The following SPART variants were observed in gnomAD, a reference collection of about 807,000 sequenced individuals.
SPART encodes spartin, also known as spastic paraplegia 20 (Troyer syndrome).
In SPART, 35 loss-of-function variants were observed where a neutral mutation model predicts 58.7. That is an observed-to-expected ratio of 0.60 (90% CI 0.46 to 0.79). The LOEUF is 0.79. Ranked by LOEUF, SPART falls within the 30% of genes least tolerant of loss-of-function variation. The pLI, the probability that SPART is intolerant of heterozygous loss-of-function variation, is 0.00. For synonymous variants in SPART, 284 were observed against 280.7 expected, an observed-to-expected ratio of 1.01 and a Z score of -0.12; for missense variants, 730 against 786.1, an observed-to-expected ratio of 0.93 and a Z score of 0.85.
Position 36,312,461 on chromosome 13 carries a change from A to G in SPART, c.1500T>C (p.Thr500=). 3 of 1,614,170 alleles carry G rather than the reference A, an allele frequency of 1.9e-6. No homozygotes were observed. Among genetic ancestry groups the G allele is most frequent in the Non-Finnish European group, 2.5e-6 (3 of 1,180,026 alleles). The change falls in exon 7 of 9, where the codon ACT becomes ACC. Residue 500 remains threonine, a synonymous_variant. Transcript: ENST00000438666. The part of the protein sequence containing the change: ...VSQFLVDGVC[T]VANCVGKELA... ...GTTCTTTTCCAACGCAATTTGCTAC[A>G]GTGCAAACTCCATCAACTAATATGA... is the stretch of plus-strand genomic sequence containing the variant.
chr13:36,366,022 T>C (rs1023486723), intron 1 of SPART, among the ~76,000 whole-genome samples: 2 of 152,202 alleles, frequency 1.3e-5, no homozygotes, highest in African/African-American at 4.8e-5. Context: ...TCTAAGCTAA[T>C]GCTTTCTCTA....
Position 36,303,961 on chromosome 13 carries a change from T to C in SPART, c.*404A>G, listed in dbSNP as rs536361369. 8 of 184,798 alleles carry C rather than the reference T, an allele frequency of 4.3e-5. No homozygotes were observed. In the South Asian group the frequency reaches 9.1e-4, roughly 21 times the overall value. The allele number at this position is 184,798 out of a possible 1,614,324, so 11.4% of individuals were successfully genotyped here. On this transcript the variant is annotated 3_prime_UTR_variant, in exon 9 of 9. Transcript: ENST00000438666. ...GGACAATACTTTAAGTCATTCCTTC[T>C]ATAAAAAGAATTAAGGTTACTAAAT...
Position 36,303,868 on chromosome 13 carries a change from T to C in SPART, c.*497A>G, listed in dbSNP as rs928512396. 22 of 154,124 alleles carry C rather than the reference T, an allele frequency of 1.4e-4. No individual in the cohort carries two copies. Among genetic ancestry groups the C allele is most frequent in the Middle Eastern group, 6.8e-3 (2 of 292 alleles). 9.5% of individuals were successfully genotyped at this position (154,124 alleles called of 1,614,324 possible). ...TTTTGAGAATTCTTAGTTTTAGTTT[T>C]TGTTTAGCTTACACACTGAAAATTT... On this transcript the variant is annotated 3_prime_UTR_variant, in exon 9 of 9. Transcript: ENST00000438666.
intron 5 of SPART, among the ~76,000 whole-genome samples, chr13:36,316,495 T>A (rs748932606): frequency 6.6e-6 from 1 of 152,174 alleles, no homozygotes; most frequent in African/African-American, 2.4e-5. Context: ...TTGCCTTAAG[T>A]GATGACATTA....
At chr13:36,317,597 T>C (rs567734388) in intron 5 of SPART, among the ~76,000 whole-genome samples, 14 of 150,602 alleles carry the variant, frequency 9.3e-5, no homozygotes, top group African/African-American at 3.4e-4. Flanking sequence ...CCCTGACCTC[T>C]TATCTCTGCG....
chr13:36,326,230 A>G (rs1882917701), intron 5 of SPART: 4 of 335,244 alleles, frequency 1.2e-5, no homozygotes, highest in South Asian at 7.5e-5. Flanking sequence ...TTCAGACCAC[A>G]GCTGAGGGAC....
intron 1 of SPART, among the ~76,000 whole-genome samples, chr13:36,369,289 T>G (rs1886184756): frequency 6.6e-6 from 1 of 152,214 alleles, no homozygotes; most frequent in African/African-American, 2.4e-5. Flanking sequence ...TGCAATGTAC[T>G]CCTAGATGTC....
upstream of SPART, among the ~76,000 whole-genome samples, chr13:36,347,184 T>TG (rs1885202191): frequency 6.6e-6 from 1 of 152,104 alleles, no homozygotes. Flanking sequence ...AGTATGTACT[T>TG]GCCCGGAGCA....
intron 1 of SPART, among the ~76,000 whole-genome samples, chr13:36,341,250 A>G (rs1884552397): frequency 6.6e-6 from 1 of 152,228 alleles, no homozygotes; most frequent in Admixed American, 6.5e-5. Context: ...GAAGCTTTAG[A>G]GCAACTATGT....
intron 1 of SPART, among the ~76,000 whole-genome samples, chr13:36,342,136 T>A (rs769006221): frequency 6.6e-6 from 1 of 152,218 alleles, no homozygotes; most frequent in Non-Finnish European, 1.5e-5. Context: ...TTGTGCTACA[T>A]ACGATAGGAC....
intron 2 of SPART, among the ~76,000 whole-genome samples, chr13:36,334,429 T>G (rs961573001): frequency 7.0e-6 from 1 of 143,786 alleles, no homozygotes; most frequent in Non-Finnish European, 1.6e-5. Flanking sequence ...GTTGAGATTT[T>G]GGGCAGGATA....
chr13:36,367,824 A>T (rs1044707482), intron 1 of SPART, among the ~76,000 whole-genome samples: 4 of 152,172 alleles, frequency 2.6e-5, no homozygotes, highest in African/African-American at 9.7e-5. Flanking sequence ...CCTCTAGTTC[A>T]ATTAAAATAT....
In SPART at chr13:36,304,488, C is replaced by T. The variant is rs140900266; in HGVS notation, c.1878G>A (p.Glu626=). 3.0e-5 allele frequency: 48 copies of T among 1,613,936 alleles called. No individual in the cohort carries two copies. Among genetic ancestry groups the T allele is most frequent in the Non-Finnish European group, 3.8e-5 (45 of 1,180,008 alleles). The change falls in exon 9 of 9, where the codon GAG becomes GAA. Residue 626 remains glutamate, a synonymous_variant. Transcript: ENST00000438666. ...TATQTGHTLL[E]DYQIVDNSQR... is the part of the protein sequence containing the mutation. ...GAGAATTATCAACTATCTGATAGTC[C>T]TCAAGGAGAGTGTGTCCTGTTTGTG...
rs1883884670 is a variant in SPART at position 36,335,330 on chromosome 13, T to A, written c.501A>T (p.Pro167=). 6.2e-7 allele frequency: 1 copy of A among 1,613,956 alleles called. No individual in the cohort carries two copies. The highest frequency in any genetic ancestry group is 1.3e-5 in the African/African-American group (1 of 74,922). Residue 167 remains proline (P), a synonymous_variant, in exon 2 of 9, where the codon CCA becomes CCT. Transcript: ENST00000438666. ...GAGTATAAGCAGGAGGAGCTTCTGCTGGACAACTTTGTGATGGTAAAGACA... is the reference window on the plus strand; with the variant it reads ...GAGTATAAGCAGGAGGAGCTTCTGCAGGACAACTTTGTGATGGTAAAGACA... ...ASLSLPSQSC[P]AEAPPAYTPQ...
intron 3 of SPART, 84 bp downstream of exon 3, chr13:36,331,315 A>G: frequency 8.9e-7 from 1 of 1,119,244 alleles, no homozygotes; most frequent in Non-Finnish European, 1.4e-6. Context: ...TGATTACAGT[A>G]GAGGTTATTA....
rs1196704123 is a variant in SPART at position 36,301,836 on chromosome 13, T to A, written c.*2529A>T. On this transcript the variant is annotated 3_prime_UTR_variant, in exon 9 of 9. Transcript: ENST00000438666. ...AGGGGACAGTCAAGGATGTTTTGAG[T>A]GTACTGTTTCTACCAACAAAAACTA... 6.6e-6 allele frequency: 1 copy of A among 152,166 alleles called. No individual in the cohort carries two copies. The highest frequency in any genetic ancestry group is 1.5e-5 in the Non-Finnish European group (1 of 68,030). 9.4% of individuals were successfully genotyped at this position (152,166 alleles called of 1,614,324 possible).
At chr13:36,331,166 G>A (rs560118027) in intron 3 of SPART, among the ~76,000 whole-genome samples, 41 of 152,250 alleles carry the variant, frequency 2.7e-4, no homozygotes, top group Non-Finnish European at 4.4e-4. Context: ...TGAGCTAAAC[G>A]GTCATTAAGT....
chr13:36,344,759 T>A lies in SPART; in HGVS notation c.-3+1466A>T, dbSNP rs184215477. Among the ~76,000 whole-genome samples, 13 of 152,242 alleles carry A rather than the reference T, an allele frequency of 8.5e-5. No homozygotes were observed. The East Asian group carries it at 2.5e-3, about 29-fold the overall frequency. ...AGATAAAAACCATTATCACATTATT[T>A]CACATTATTTAATTTTCAAAGTTAA... On this transcript the variant is annotated intron_variant, in intron 1 of 8. Coordinates refer to ENST00000438666, the MANE Select transcript of SPART (RefSeq NM_015087.5).
At chr13:36,354,318 T>C (rs9547419) in intron 1 of SPART, among the ~76,000 whole-genome samples, 50,605 of 152,094 alleles carry the variant, frequency 0.33, 9,360 homozygotes, top group Non-Finnish European at 0.42. Flanking sequence ...CCTTGATTGC[T>C]TAGACCCTGC....
Sources: allele counts gnomAD v4.1 joint callset (sites outside exome capture counted in the v4.1 genomes callset), GRCh38; gene constraint gnomAD v4.1.1; transcripts MANE v1.5; gene names NCBI Gene and HGNC (gene_info 2026-07-23, HGNC 2026-07-21).